The following SYT3 variants were observed in gnomAD, a reference collection of about 807,000 sequenced individuals.
The protein encoded by SYT3 is synaptotagmin-3.
A neutral mutation model predicts 50.6 loss-of-function variants in SYT3; 25 were observed. The observed-to-expected ratio is 0.49, with a 90% CI of 0.36 to 0.69. The LOEUF (loss-of-function observed/expected upper bound fraction) is 0.69, where lower values mean the gene tolerates loss of function less well. SYT3 is among the 30% of genes least tolerant of loss of function. The probability of loss-of-function intolerance (pLI) is 0.00; values close to 1 mark genes in which losing one functional copy is unlikely to be tolerated. For synonymous variants in SYT3, 323 were observed against 353.9 expected (o/e 0.91, Z 0.98); for missense variants, 589 against 793.6 (o/e 0.74, Z 3.10).
In SYT3 at chr19:50,622,418, C is replaced by T. The variant is rs1009727962; in HGVS notation, c.*67G>A. The T allele has an allele frequency of 9.3e-5, 23 of 246,800 alleles. No homozygotes were observed. The highest frequency in any genetic ancestry group is 5.7e-4 in the Admixed American group (11 of 19,446). 15.3% of individuals were successfully genotyped at this position (246,800 alleles called of 1,614,324 possible). A position where few individuals can be genotyped will look rare whatever the true frequency, so the allele number is the denominator to read the frequency against. On this transcript the variant is annotated 3_prime_UTR_variant, in exon 11 of 11. Coordinates refer to ENST00000600079, the MANE Select transcript of SYT3 (RefSeq NM_001160329.2). The stretch of plus-strand genomic sequence containing the variant: ...TTATGGCTTCAAGGAGATGAATTCA[C>T]GGTCCGGGCAGGAAAGGATGGGGTC...
chr19:50,627,546 C>A (rs1984120289), intron 6 of SYT3, among the ~76,000 whole-genome samples: 1 of 152,040 alleles, frequency 6.6e-6, no homozygotes, highest in Non-Finnish European at 1.5e-5. Context: ...CATGGCGAAA[C>A]CCTGTCTCTA....
the SYT3 span, among the ~76,000 whole-genome samples, chr19:50,655,627 C>T: frequency 8.0e-5 from 12 of 150,278 alleles, no homozygotes; most frequent in African/African-American, 2.2e-4. Flanking sequence ...CCAGCCTGGG[C>T]GACAGAACAA....
chr19:50,656,285 G>A, the SYT3 span: 1 of 1,536,164 alleles, frequency 6.5e-7, no homozygotes, highest in South Asian at 1.2e-5. Flanking sequence ...GAACTCCCGT[G>A]CATCCGGAAG....
At chr19:50,646,895 A>G in the SYT3 span, among the ~76,000 whole-genome samples, 2 of 151,984 alleles carry the variant, frequency 1.3e-5, no homozygotes, top group Non-Finnish European at 2.9e-5. Flanking sequence ...CAGTGGCGCG[A>G]TCTCGGCTCA....
In SYT3 at chr19:50,630,182, TTGGGGG is replaced by T; in HGVS notation, c.675-17_675-12del. ...GGCAGGGCTGGGTACCTGTAGGGGG[TTGGGGG>T]GAGACCAAGGTGAGGTCAGTGGCTC... is the stretch of plus-strand genomic sequence containing the variant. On this transcript the variant is annotated splice_polypyrimidine_tract_variant and intron_variant, in intron 4 of 10. Coordinates refer to ENST00000600079, the MANE Select transcript of SYT3 (RefSeq NM_001160329.2). 6.6e-7 allele frequency: 1 copy of T among 1,510,538 alleles called. No homozygotes were observed. The highest frequency in any genetic ancestry group is 1.3e-5 in the South Asian group (1 of 75,330). The allele number at this position is 1,510,538 out of a possible 1,614,324, so 93.6% of individuals were successfully genotyped here.
chr19:50,624,554 C>CTT (rs35518299), intron 9 of SYT3, among the ~76,000 whole-genome samples: 14,914 of 137,870 alleles, frequency 0.11, 1,167 homozygotes, highest in African/African-American at 0.2. Flanking sequence ...TCTTAAATGA[C>CTT]TTTTTTTTTT....
chr19:50,655,808 T>C, the SYT3 span, among the ~76,000 whole-genome samples: 4 of 152,176 alleles, frequency 2.6e-5, no homozygotes, highest in Admixed American at 2.6e-4. Context: ...CTGGCGCCCC[T>C]GTTAGGCAGA....
In SYT3 at chr19:50,637,263, C is replaced by T. The variant is rs1568417367; in HGVS notation, c.148+1G>A. On this transcript the variant is annotated splice_donor_variant, in intron 3 of 10. Coordinates refer to ENST00000600079, the MANE Select transcript of SYT3 (RefSeq NM_001160329.2). LOFTEE classifies it high-confidence loss of function. This position sits in a 1 kb window ranked among gnomAD's most constrained non-coding sequence, Gnocchi z 4.9. ...TGGCCAAGACAGGCAGGGGTGCTGA[C>T]CTGCATCTGGACCCCGGGGATAGCC... The T allele has an allele frequency of 6.2e-7, 1 of 1,612,674 alleles. No individual in the cohort carries two copies. Among genetic ancestry groups the T allele is most frequent in the East Asian group, 2.2e-5 (1 of 44,830 alleles).
the SYT3 span, chr19:50,657,934 A>G: frequency 1.4e-6 from 2 of 1,479,732 alleles, no homozygotes; most frequent in Non-Finnish European, 1.8e-6. Context: ...GTGACTTCTG[A>G]ACCCAAAATG....
At chr19:50,641,739 G>A (rs1290882812), upstream of SYT3, among the ~76,000 whole-genome samples, 1 of 151,952 alleles carries the variant, frequency 6.6e-6, no homozygotes, top group African/African-American at 2.4e-5. Flanking sequence ...CTAGCTACTT[G>A]GGGGGCTGAG....
chr19:50,632,487 T>C lies in SYT3; in HGVS notation c.473A>G (p.Glu158Gly). 5.0e-6 allele frequency: 8 copies of C among 1,612,702 alleles called. No individual in the cohort carries two copies. The highest frequency in any genetic ancestry group is 6.8e-6 in the Non-Finnish European group (8 of 1,179,622). Residue 158 changes from glutamate (E) to glycine (G), a missense_variant, in exon 4 of 11, where the codon GAG (glutamate) becomes GGG (glycine). By Grantham distance (98) the Glu-to-Gly change is moderately conservative. Transcript: ENST00000600079. This position sits in a 1 kb window ranked among gnomAD's most constrained non-coding sequence, Gnocchi z 4.7. ...CGAGTCCATGTCCAAGTAGGAGGGC[T>C]CAGGGGTGTCAGAACCCCCCAGGCT... ...PGSLGGSDTPEPSYLDMDSYP... is the reference protein window; with the variant it reads ...PGSLGGSDTPGPSYLDMDSYP...
chr19:50,625,781 T>A lies in SYT3; in HGVS notation c.1402+116A>T. 37 of 554,206 alleles carry A rather than the reference T, an allele frequency of 6.7e-5. 14 individuals carry two copies. Among genetic ancestry groups the A allele is most frequent in the Non-Finnish European group, 1.0e-4 (34 of 328,180 alleles). 34.3% of individuals were successfully genotyped at this position (554,206 alleles called of 1,614,324 possible). ...GCCCCTCCTCCCTCAGACCCAGGAG[T>A]CCAGATCCCCAGCTCCTCCTCCCTC... is the stretch of plus-strand genomic sequence containing the variant. On this transcript the variant is annotated intron_variant, in intron 7 of 10. Coordinates refer to ENST00000600079, the MANE Select transcript of SYT3 (RefSeq NM_001160329.2). The surrounding 1 kb of genome is among the most constrained non-coding windows in gnomAD (Gnocchi z 7.5).
chr19:50,629,319 C>T lies in SYT3; in HGVS notation c.1256G>A (p.Trp419Ter). 1 of 1,611,234 alleles carries T rather than the reference C, an allele frequency of 6.2e-7. No homozygotes were observed. The highest frequency in any genetic ancestry group is 1.1e-5 in the South Asian group (1 of 90,720). Reference sequence around the variant, plus strand: ...CGAGCCGCCCTCCACGATGTCCCTCCAGAGCGGGCGGTCAGGGGGCTGCTC... The same window carrying T: ...CGAGCCGCCCTCCACGATGTCCCTCTAGAGCGGGCGGTCAGGGGGCTGCTC... ...LAEQPPDRPLWRDIVEGGSEK... is the reference protein window; with the variant it reads ...LAEQPPDRPL Residue 419 changes from tryptophan to a stop codon, truncating the protein, a stop_gained, in exon 6 of 11, where the codon TGG becomes TAG. Coordinates refer to ENST00000600079, the MANE Select transcript of SYT3 (RefSeq NM_001160329.2). LOFTEE classifies it high-confidence loss of function.
chr19:50,625,140 T>G lies in SYT3; in HGVS notation c.1707+22A>C, dbSNP rs770338286. ...AGGGTGCACGGGTGCTTGTCAGGGG[T>G]CGGTGTGGGACCCCTACTCACCTCC... On this transcript the variant is annotated intron_variant, in intron 9 of 10. Transcript: ENST00000600079. This position sits in a 1 kb window ranked among gnomAD's most constrained non-coding sequence, Gnocchi z 7.5. The G allele has an allele frequency of 1.3e-6, 2 of 1,537,586 alleles. No homozygotes were observed. Among genetic ancestry groups the G allele is most frequent in the Admixed American group, 2.2e-5 (1 of 46,476 alleles).
In SYT3 at chr19:50,625,992, T is replaced by G; in HGVS notation, c.1307A>C (p.Asn436Thr). The G allele has an allele frequency of 6.2e-7, 1 of 1,613,992 alleles. No individual in the cohort carries two copies. Among genetic ancestry groups the G allele is most frequent in the Non-Finnish European group, 8.5e-7 (1 of 1,179,930 alleles). ...CGTGGGGAGGTAGCAGAGTGAGAAG[T>G]TGAGCTCCCCAAGATCTGCTTTTTC... ...GSEKADLGEL[N>T]FSLCYLPTAG... Residue 436 changes from asparagine to threonine, a missense_variant, in exon 7 of 11, where the codon AAC (asparagine) becomes ACC (threonine). Asn to Thr is a moderately conservative substitution (Grantham distance 65). Around this residue, in one of 2 missense-constraint regions of SYT3, gnomAD observed 273 missense variants for 439.3 expected, o/e 0.62. Coordinates refer to ENST00000600079, the MANE Select transcript of SYT3 (RefSeq NM_001160329.2). The surrounding 1 kb of genome is among the most constrained non-coding windows in gnomAD (Gnocchi z 7.5).
At chr19:50,649,563 T>TGCGTAGTA in the SYT3 span, 2 of 1,520,584 alleles carry the variant, frequency 1.3e-6, no homozygotes, top group Non-Finnish European at 1.8e-6. Flanking sequence ...ATCCAGGCAG[T>TGCGTAGTA]GCGTAGTAGC....
chr19:50,625,775 CA>C lies in SYT3; in HGVS notation c.1402+121del. ...CCCCTGGCCCCTCCTCCCTCAGACC[CA>C]GGAGTCCAGATCCCCAGCTCCTCCT... is the stretch of plus-strand genomic sequence containing the variant. On this transcript the variant is annotated intron_variant, in intron 7 of 10. Transcript: ENST00000600079. The surrounding 1 kb of genome is among the most constrained non-coding windows in gnomAD (Gnocchi z 7.5). 2.4e-5 allele frequency: 15 copies of C among 629,008 alleles called. 4 individuals are homozygous for C. The highest frequency in any genetic ancestry group is 3.5e-5 in the Non-Finnish European group (13 of 376,256). The allele number at this position is 629,008 out of a possible 1,614,324, so 39.0% of individuals were successfully genotyped here. A position where few individuals can be genotyped will look rare whatever the true frequency, so the allele number is the denominator to read the frequency against.
intron 3 of SYT3, among the ~76,000 whole-genome samples, chr19:50,635,794 G>A (rs1345309664): frequency 1.3e-5 from 2 of 152,208 alleles, no homozygotes; most frequent in Non-Finnish European, 2.9e-5. Context: ...TGTGCATGCT[G>A]TCACATGTCG....
intron 9 of SYT3, among the ~76,000 whole-genome samples, chr19:50,623,747 G>A (rs1293696192): frequency 6.6e-6 from 1 of 151,262 alleles, no homozygotes; most frequent in Non-Finnish European, 1.5e-5. Context: ...AGGTTGCAGT[G>A]AGCCAAGACT....
Sources: allele counts gnomAD v4.1 joint callset (sites outside exome capture counted in the v4.1 genomes callset), GRCh38; gene constraint gnomAD v4.1.1; regional missense constraint gnomAD v4.1.1; non-coding constraint Gnocchi (gnomAD v3.1); transcripts MANE v1.5; gene names NCBI Gene and HGNC (gene_info 2026-07-23, HGNC 2026-07-21).